FHIT: variants seen among roughly 807,000 people sequenced by gnomAD.
FHIT encodes the protein bis(5'-adenosyl)-triphosphatase.
Under a neutral mutation model 17.9 loss-of-function variants are expected in FHIT, and 19 were observed. The observed-to-expected ratio is 1.06, with a 90% confidence interval of 0.74 to 1.56. The LOEUF (loss-of-function observed/expected upper bound fraction) is 1.56, where lower values mean the gene tolerates loss of function less well. FHIT is among the 40% of genes most tolerant of loss of function. The pLI is 0.00. For missense variants in FHIT, 248 were observed against 189.2 expected (o/e 1.31, Z -1.82); for synonymous variants, 81 against 69.7 (o/e 1.16, Z -0.81).
At chr3:60,259,984 G>C (rs1263407272) in intron 5 of FHIT, among the ~76,000 whole-genome samples, 1 of 152,066 alleles carries the variant, frequency 6.6e-6, no homozygotes, top group African/African-American at 2.4e-5. Flanking sequence ...GCCCCTTCCA[G>C]AGCATGAAAA....
chr3:60,653,463 G>A (rs1553688835), intron 4 of FHIT, among the ~76,000 whole-genome samples: 2 of 151,906 alleles, frequency 1.3e-5, no homozygotes, highest in Non-Finnish European at 2.9e-5. Flanking sequence ...GAACAATTCA[G>A]GAGGTCTAAG....
intron 5 of FHIT, among the ~76,000 whole-genome samples, chr3:60,241,910 A>G (rs763122657): frequency 9.2e-5 from 14 of 152,108 alleles, no homozygotes; most frequent in Non-Finnish European, 1.6e-4. Flanking sequence ...CATTACAGTA[A>G]TTTATCTAAG....
intron 4 of FHIT, among the ~76,000 whole-genome samples, chr3:60,575,137 A>T (rs2037522723): frequency 6.6e-6 from 1 of 152,152 alleles, no homozygotes. Context: ...GCAAGGCAGT[A>T]AGTAATAAGG....
intron 3 of FHIT, among the ~76,000 whole-genome samples, chr3:60,931,561 G>A (rs184572325): frequency 3.3e-5 from 5 of 151,712 alleles, no homozygotes; most frequent in Admixed American, 6.6e-5. Flanking sequence ...AAAATGAAGC[G>A]GTCAAATCGC....
chr3:60,672,432 T>C (rs944113220), intron 4 of FHIT, among the ~76,000 whole-genome samples: 1 of 152,228 alleles, frequency 6.6e-6, no homozygotes, highest in South Asian at 2.1e-4. Context: ...GGGGTGCTTT[T>C]TGAGCCAGGA....
chr3:60,436,257 C>T (rs2030228570), intron 5 of FHIT, among the ~76,000 whole-genome samples: 1 of 151,968 alleles, frequency 6.6e-6, no homozygotes, highest in Admixed American at 6.6e-5. Context: ...ACCATGTTGG[C>T]CAGGATGGTC....
chr3:60,737,230 G>A (rs1412360765), intron 4 of FHIT, among the ~76,000 whole-genome samples: 2 of 152,136 alleles, frequency 1.3e-5, no homozygotes, highest in African/African-American at 4.8e-5. Flanking sequence ...TACATTATGA[G>A]CCGGATGCAT....
chr3:60,154,592 A>C (rs80153023), intron 5 of FHIT, among the ~76,000 whole-genome samples: 2,708 of 152,312 alleles, frequency 0.018, 38 homozygotes, highest in Non-Finnish European at 0.03. Flanking sequence ...CTGTTATTAG[A>C]TTTCAATTAA....
intron 5 of FHIT, among the ~76,000 whole-genome samples, chr3:60,397,439 T>G (rs1701490274): frequency 6.6e-6 from 1 of 152,098 alleles, no homozygotes; most frequent in Admixed American, 6.6e-5. Flanking sequence ...TAGGAGTCCT[T>G]GAGCCCATGT....
At chr3:61,247,022 G>T (rs9859004) in intron 1 of FHIT, among the ~76,000 whole-genome samples, 81,565 of 147,794 alleles carry the variant, frequency 0.55, 24,761 homozygotes, top group East Asian at 0.86. Context: ...CCTCCCTCCT[G>T]TCCTCCATTG....
rs147889403 is a variant in FHIT, at chr3:60,158,847, C to G, written c.104-144695G>C. Among the ~76,000 whole-genome samples, 6 of 152,182 alleles carry G rather than the reference C, an allele frequency of 3.9e-5. No individual in the cohort carries two copies. In the East Asian group the frequency reaches 1.2e-3, roughly 29 times the overall value. On this transcript the variant is annotated intron_variant, in intron 5 of 9. Coordinates refer to ENST00000492590, the MANE Select transcript of FHIT (RefSeq NM_002012.4). ...CTCCCTCCCTTCCTTAGACTCTCCCCCAAATCACCCAAATGAACTCCAAAT... is the reference window on the plus strand; with the variant it reads ...CTCCCTCCCTTCCTTAGACTCTCCCGCAAATCACCCAAATGAACTCCAAAT...
chr3:59,832,204 G>A (rs1701188003), intron 8 of FHIT, among the ~76,000 whole-genome samples: 1 of 152,076 alleles, frequency 6.6e-6, no homozygotes, highest in African/African-American at 2.4e-5. Flanking sequence ...ATTTAAGTTA[G>A]ACTATTGAGT....
intron 2 of FHIT, among the ~76,000 whole-genome samples, chr3:61,154,668 A>T (rs1012345190): frequency 3.3e-5 from 5 of 152,166 alleles, no homozygotes; most frequent in Admixed American, 3.3e-4. Context: ...GCCATCTGAT[A>T]TTGCAGCTCT....
At chr3:60,980,392 T>C (rs1234437806) in intron 3 of FHIT, among the ~76,000 whole-genome samples, 1 of 152,204 alleles carries the variant, frequency 6.6e-6, no homozygotes, top group Non-Finnish European at 1.5e-5. Context: ...ATTTGCTAAA[T>C]GAGTGGAATG....
intron 8 of FHIT, among the ~76,000 whole-genome samples, chr3:59,762,013 T>G (rs777882910): frequency 1.3e-5 from 2 of 152,174 alleles, no homozygotes; most frequent in Non-Finnish European, 2.9e-5. Context: ...TCACTACTCT[T>G]ATGCTTTGGG....
At chr3:61,097,778 T>A (rs1213779480) in intron 2 of FHIT, among the ~76,000 whole-genome samples, 1 of 152,224 alleles carries the variant, frequency 6.6e-6, no homozygotes, top group African/African-American at 2.4e-5. Flanking sequence ...TTCATGTCCT[T>A]TGCCCACTTT....
rs1313491882 is a variant in FHIT at position 61,076,249 on chromosome 3, G to A, written c.-163-34150C>T. 2.0e-5 allele frequency among the ~76,000 whole-genome samples: 3 copies of A among 152,158 alleles called. No homozygotes were observed. The East Asian group carries it at 5.8e-4, about 29-fold the overall frequency. On this transcript the variant is annotated intron_variant, in intron 2 of 9. Coordinates refer to ENST00000492590, the MANE Select transcript of FHIT (RefSeq NM_002012.4). ...GAGACCCTTAAACCCTTTTGAATTT[G>A]CAAAGCACTTCCCCATAGAGAAAAT... is the stretch of plus-strand genomic sequence containing the variant.
intron 5 of FHIT, among the ~76,000 whole-genome samples, chr3:60,304,364 C>T (rs2106724170): frequency 6.6e-6 from 1 of 152,066 alleles, no homozygotes; most frequent in East Asian, 1.9e-4. Context: ...AATGTATTGG[C>T]TTATTGGAGC....
chr3:59,878,943 C>G (rs1253200805), intron 8 of FHIT, among the ~76,000 whole-genome samples: 1 of 151,976 alleles, frequency 6.6e-6, no homozygotes, highest in Non-Finnish European at 1.5e-5. Context: ...CCCAAGCATT[C>G]TGACTGTAAA....
Sources: gnomAD v4.1 joint callset for allele counts (sites outside exome capture counted in the v4.1 genomes callset) on GRCh38, gnomAD v4.1.1 for gene constraint, MANE v1.5 for transcripts, NCBI Gene and HGNC (gene_info 2026-07-23, HGNC 2026-07-21) for gene names.